Variants in NPIPB8 observed in about 807,000 individuals in gnomAD.
NPIPB8 encodes the protein nuclear pore complex-interacting protein family member B8.
In NPIPB8, 3 loss-of-function variants were observed where a neutral mutation model predicts 5.3. The observed-to-expected ratio is 0.57, with a 90% CI of 0.26 to 1.47. The LOEUF is 1.47. Among genes scored for constraint, NPIPB8 ranks in the 40% most tolerant of loss-of-function variants. NPIPB8 has a pLI of 0.13. For synonymous variants in NPIPB8, 18 were observed against 23.0 expected, an observed-to-expected ratio of 0.78 and a Z score of 0.62; for missense variants, 50 against 50.2, an observed-to-expected ratio of 1.00 and a Z score of 0.01.
intron 2 of NPIPB8, among the ~76,000 whole-genome samples, chr16:28,642,175 G>A (rs375440339): frequency 2.5e-4 from 37 of 150,834 alleles, no homozygotes; most frequent in African/African-American, 8.1e-4. Flanking sequence ...GCACGATCTC[G>A]GCTCACTGCA....
At chr16:28,645,111 T>A (rs2047977778) in intron 2 of NPIPB8, among the ~76,000 whole-genome samples, 1 of 129,896 alleles carries the variant, frequency 7.7e-6, no homozygotes, top group African/African-American at 2.8e-5. Flanking sequence ...TGGCAAGATC[T>A]CGGCTCACTG....
intron 2 of NPIPB8, among the ~76,000 whole-genome samples, chr16:28,641,732 G>A (rs533102827): frequency 1.5e-5 from 2 of 129,622 alleles, no homozygotes; most frequent in East Asian, 2.1e-4. Context: ...GTCTTTGCAT[G>A]CATGCAGCCA....
At chr16:28,639,027 C>G (rs1374841138) in intron 2 of NPIPB8, among the ~76,000 whole-genome samples, 1 of 149,444 alleles carries the variant, frequency 6.7e-6, no homozygotes, top group Non-Finnish European at 1.5e-5. Context: ...CAAGATCACG[C>G]CATTGCACTC....
chr16:28,639,018 A>T (rs368539400), intron 2 of NPIPB8, among the ~76,000 whole-genome samples: 1 of 149,664 alleles, frequency 6.7e-6, no homozygotes, highest in South Asian at 2.1e-4. Flanking sequence ...TTAGTGGGCC[A>T]AGATCACGCC....
At chr16:28,641,285 T>A (rs2047891872) in intron 2 of NPIPB8, among the ~76,000 whole-genome samples, 1 of 150,094 alleles carries the variant, frequency 6.7e-6, no homozygotes, top group Non-Finnish European at 1.5e-5. Context: ...GTGGGGATAG[T>A]GGGGGTAGTG....
chr16:28,642,155 G>A (rs1184551632), intron 2 of NPIPB8, among the ~76,000 whole-genome samples: 1 of 150,842 alleles, frequency 6.6e-6, no homozygotes, highest in Non-Finnish European at 1.5e-5. Context: ...ACCCAGGCTG[G>A]AGTGCAATGG....
chr16:28,638,326 G>A lies in NPIPB8; in HGVS notation c.-35G>A. ...TTTTTTCTTAATTGTCTAATAGGTT[G>A]GCACTCATCATGAGCCCCTGTTCTC... On this transcript the variant is annotated 5_prime_UTR_variant, in exon 2 of 8. Transcript: ENST00000683297. 6.4e-7 allele frequency: 1 copy of A among 1,560,846 alleles called. No homozygotes were observed. The highest frequency in any genetic ancestry group is 8.6e-7 in the Non-Finnish European group (1 of 1,160,734).
At position 28,644,802 on chromosome 16, in the gene NPIPB8, C is replaced by T. The variant is rs2047970577; in HGVS notation, c.121-3333C>T. The T allele has an allele frequency of 1.5e-5, 6 of 390,980 alleles. No individual in the cohort carries two copies. The Admixed American group carries it at 1.6e-4, about 10-fold the overall frequency. The allele number at this position is 390,980 out of a possible 1,614,324, so 24.2% of individuals were successfully genotyped here. On this transcript the variant is annotated intron_variant, in intron 2 of 7. Transcript: ENST00000683297. ...TTGAGTCCAGGAGTTGAAGACTAGC[C>T]AGGGCATCATGGCGAAACCCCATCT... is the stretch of plus-strand genomic sequence containing the variant.
intron 2 of NPIPB8, among the ~76,000 whole-genome samples, chr16:28,642,168 C>A (rs528668010): frequency 2.6e-5 from 4 of 151,412 alleles, no homozygotes; most frequent in African/African-American, 7.3e-5. Flanking sequence ...TGCAATGGCA[C>A]GATCTCGGCT....
intron 5 of NPIPB8, among the ~76,000 whole-genome samples, chr16:28,653,015 T>A (rs2151767529): frequency 7.9e-6 from 1 of 126,106 alleles, no homozygotes; most frequent in African/African-American, 3.2e-5. Context: ...TTGAAGCAAT[T>A]CTGCCTCAGC....
rs755245844 is a variant in NPIPB8 at position 28,639,398 on chromosome 16, TACACACACAC to T, written c.120+926_120+935del. Among the ~76,000 whole-genome samples, 197 of 141,070 alleles carry T rather than the reference TACACACACAC, an allele frequency of 1.4e-3. 1 individual carries two copies. Among genetic ancestry groups the T allele is most frequent in the African/African-American group, 5.1e-3 (192 of 37,800 alleles). The allele number at this position is 141,070 out of a possible 152,430, so 92.5% of individuals were successfully genotyped here. On this transcript the variant is annotated intron_variant, in intron 2 of 7. Transcript: ENST00000683297. ...CTTTTATTTTTGAGATTTATATAGA[TACACACACAC>T]ACACACAGACACACACACAGACACA...
At chr16:28,651,263 G>A (rs1236760197) in intron 3 of NPIPB8, among the ~76,000 whole-genome samples, 4 of 41,786 alleles carry the variant, frequency 9.6e-5, no homozygotes, top group East Asian at 5.6e-4. Flanking sequence ...GATTATAGGC[G>A]TGAGCTACCG....
chr16:28,642,022 C>T (rs919976777), intron 2 of NPIPB8, among the ~76,000 whole-genome samples: 1 of 151,186 alleles, frequency 6.6e-6, no homozygotes, highest in Non-Finnish European at 1.5e-5. Flanking sequence ...GTACTCTCTG[C>T]CATTCACTTT....
At chr16:28,644,593 C>T (rs769684608) in intron 2 of NPIPB8, 71 of 1,529,732 alleles carry the variant, frequency 4.6e-5, no homozygotes, top group South Asian at 2.8e-4. Flanking sequence ...CCAGGACATG[C>T]GGCTGCGCTT....
In NPIPB8 at chr16:28,638,150, G is replaced by A. The variant is rs1248758581; in HGVS notation, c.-39G>A. On this transcript the variant is annotated splice_region_variant and 5_prime_UTR_variant, in exon 1 of 8. Transcript: ENST00000683297. ...CCTGTTTCACACAGAAGAAAACTGA[G>A]GTTAAAAGGGGTAAAGTAATTTTGC... is the stretch of plus-strand genomic sequence containing the variant. The A allele has an allele frequency of 4.7e-6, 3 of 635,970 alleles. No homozygotes were observed. The highest frequency in any genetic ancestry group is 8.0e-6 in the Non-Finnish European group (3 of 374,592). The allele number at this position is 635,970 out of a possible 1,614,324, so 39.4% of individuals were successfully genotyped here. A position where few individuals can be genotyped will look rare whatever the true frequency, so the allele number is the denominator to read the frequency against.
At chr16:28,641,116 T>G (rs3987688) in intron 2 of NPIPB8, among the ~76,000 whole-genome samples, 18 of 152,050 alleles carry the variant, frequency 1.2e-4, no homozygotes, top group South Asian at 4.2e-4. Context: ...TCCCAAAACA[T>G]CATGGGGCCT....
At chr16:28,651,529 G>T (rs1487218738) in intron 3 of NPIPB8, among the ~76,000 whole-genome samples, 1 of 26,750 alleles carries the variant, frequency 3.7e-5, no homozygotes, top group Non-Finnish European at 6.5e-5. Context: ...CCCGACCTCA[G>T]GTGATCCGCC....
At chr16:28,642,358 C>T (rs1159164900) in intron 2 of NPIPB8, among the ~76,000 whole-genome samples, 2 of 152,136 alleles carry the variant, frequency 1.3e-5, no homozygotes, top group Non-Finnish European at 2.9e-5. Flanking sequence ...CCTACCTCAG[C>T]CTCCCAGAGT....
At chr16:28,638,279 T>C (rs2047826762) in intron 1 of NPIPB8, 44 bp from the exon 2 acceptor site, 1 of 1,536,068 alleles carries the variant, frequency 6.5e-7, no homozygotes. Flanking sequence ...ATCACCTTGT[T>C]TTTCCACTCA....
Sources: allele counts gnomAD v4.1 joint callset (sites outside exome capture counted in the v4.1 genomes callset), GRCh38; gene constraint gnomAD v4.1.1; transcripts MANE v1.5; gene names NCBI Gene and HGNC (gene_info 2026-07-23, HGNC 2026-07-21).